PLCB1: variants seen among roughly 807,000 people sequenced by gnomAD.
PLCB1 encodes 1-phosphatidylinositol 4,5-bisphosphate phosphodiesterase beta-1.
PLCB1 carries 46 observed loss-of-function variants against 161.8 expected under a neutral mutation model. The observed-to-expected ratio is 0.28, with a 90% confidence interval of 0.22 to 0.36. PLCB1 has a LOEUF of 0.36. Ranked by LOEUF, PLCB1 falls within the 10% of genes least tolerant of loss-of-function variation. PLCB1 has a pLI of 1.00. For synonymous variants in PLCB1, 517 were observed against 503.7 expected (o/e 1.03, Z -0.35); for missense variants, 1,016 against 1,472.5 (o/e 0.69, Z 5.07).
intron 9 of PLCB1, among the ~76,000 whole-genome samples, chr20:8,668,581 A>G (rs766275002): frequency 6.6e-6 from 1 of 152,204 alleles, no homozygotes; most frequent in South Asian, 2.1e-4. Flanking sequence ...GATTCCAGGA[A>G]GTACTAGTAG....
intron 2 of PLCB1, among the ~76,000 whole-genome samples, chr20:8,311,355 T>C (rs1029711327): frequency 6.6e-6 from 1 of 152,256 alleles, no homozygotes; most frequent in Non-Finnish European, 1.5e-5. Context: ...TAGATATGTT[T>C]ATTCTGCTAT....
intron 2 of PLCB1, 161 bp from the exon 3 acceptor site, chr20:8,371,221 C>T: frequency 3.7e-6 from 2 of 545,460 alleles, no homozygotes; most frequent in Non-Finnish European, 6.5e-6. Context: ...TGTTTCCAAC[C>T]TAATTCAATT....
chr20:8,356,642 T>C (rs1431195509), intron 2 of PLCB1, among the ~76,000 whole-genome samples: 1 of 152,192 alleles, frequency 6.6e-6, no homozygotes, highest in Non-Finnish European at 1.5e-5. Context: ...TCATACGGCA[T>C]AATAGCACCA....
intron 3 of PLCB1, among the ~76,000 whole-genome samples, chr20:8,516,020 C>T (rs997524512): frequency 3.3e-5 from 5 of 152,096 alleles, no homozygotes; most frequent in Admixed American, 6.5e-5. Flanking sequence ...GGCAAGGGGG[C>T]GTAAGGAGGG....
At chr20:8,232,637 C>T (rs1245431965) in intron 2 of PLCB1, among the ~76,000 whole-genome samples, 1 of 152,176 alleles carries the variant, frequency 6.6e-6, no homozygotes, top group Non-Finnish European at 1.5e-5. Context: ...CCTGATCCCC[C>T]ACTTCGTGCA....
At chr20:8,359,892 TA>T (rs1260578304) in intron 2 of PLCB1, among the ~76,000 whole-genome samples, 1 of 152,232 alleles carries the variant, frequency 6.6e-6, no homozygotes, top group East Asian at 1.9e-4. Context: ...TGATTCAGAA[TA>T]ATTTCAAGTT....
At chr20:8,763,413 T>A (rs1299131766) in intron 25 of PLCB1, among the ~76,000 whole-genome samples, 1 of 151,312 alleles carries the variant, frequency 6.6e-6, no homozygotes, top group Non-Finnish European at 1.5e-5. Context: ...GAGACAAGAG[T>A]CTAACTCTGC....
chr20:8,430,942 G>C (rs1196408852), intron 3 of PLCB1, among the ~76,000 whole-genome samples: 1 of 152,086 alleles, frequency 6.6e-6, no homozygotes, highest in Non-Finnish European at 1.5e-5. Context: ...CTGGGTGACA[G>C]AGCAAGACCA....
At chr20:8,301,532 C>T (rs1221896778) in intron 2 of PLCB1, among the ~76,000 whole-genome samples, 1 of 152,166 alleles carries the variant, frequency 6.6e-6, no homozygotes, top group Non-Finnish European at 1.5e-5. Context: ...CCACCACCCA[C>T]TGCTCCACCA....
intron 4 of PLCB1, among the ~76,000 whole-genome samples, chr20:8,629,813 TTTCTTTTC>T (rs764932965): frequency 0.022 from 1,574 of 72,850 alleles, 24 homozygotes; most frequent in Non-Finnish European, 0.027. Context: ...CTTTCTTTTC[TTTCTTTTC>T]TTTCTTTCTT....
At chr20:8,389,119 TA>T (rs535756108) in intron 3 of PLCB1, among the ~76,000 whole-genome samples, 14 of 151,812 alleles carry the variant, frequency 9.2e-5, no homozygotes, top group South Asian at 2.1e-4. Flanking sequence ...CTTTTTACTT[TA>T]AAAAAAAATC....
Position 8,774,401 on chromosome 20 carries a change from A to T in PLCB1, c.2931-138A>T, listed in dbSNP as rs143659091. The T allele has an allele frequency of 4.3e-5, 32 of 745,352 alleles. No homozygotes were observed. The East Asian group carries it at 6.7e-4, about 16-fold the overall frequency. 46.2% of individuals were successfully genotyped at this position (745,352 alleles called of 1,614,324 possible). Reference sequence around the variant, plus strand: ...TTGCTAAGCTTGTCCTTGGGGTCTCACCCTCTACCCCAAGTGGCTTATGAA... The same window carrying T: ...TTGCTAAGCTTGTCCTTGGGGTCTCTCCCTCTACCCCAAGTGGCTTATGAA... On this transcript the variant is annotated intron_variant, in intron 26 of 31. Coordinates refer to ENST00000338037, the MANE Select transcript of PLCB1 (RefSeq NM_015192.4).
intron 31 of PLCB1, among the ~76,000 whole-genome samples, chr20:8,863,552 A>T (rs1987325964): frequency 6.6e-6 from 1 of 152,188 alleles, no homozygotes; most frequent in South Asian, 2.1e-4. Context: ...GCCTGAGAAC[A>T]TGTGTTTCTA....
intron 2 of PLCB1, among the ~76,000 whole-genome samples, chr20:8,352,055 C>T (rs1163540139): frequency 6.6e-6 from 1 of 151,978 alleles, no homozygotes; most frequent in Non-Finnish European, 1.5e-5. Context: ...TTATAGAAGC[C>T]TTATTCTTAA....
intron 27 of PLCB1, among the ~76,000 whole-genome samples, chr20:8,775,119 A>AT (rs1982885357): frequency 8.2e-6 from 1 of 122,532 alleles, no homozygotes; most frequent in Non-Finnish European, 1.7e-5. Flanking sequence ...CTTTGTAAGA[A>AT]TTTTTTTAAA....
chr20:8,589,043 A>G (rs192409186), intron 3 of PLCB1, among the ~76,000 whole-genome samples: 45 of 152,266 alleles, frequency 3.0e-4, no homozygotes, highest in Admixed American at 2.6e-3. Context: ...AGCAAGGGGG[A>G]GAGACTGCAC....
At chr20:8,691,188 T>G (rs1990470513) in intron 10 of PLCB1, among the ~76,000 whole-genome samples, 1 of 152,118 alleles carries the variant, frequency 6.6e-6, no homozygotes, top group Non-Finnish European at 1.5e-5. Flanking sequence ...TCAGAAGCCT[T>G]TGGATAAACT....
intron 3 of PLCB1, among the ~76,000 whole-genome samples, chr20:8,400,303 A>G (rs1978493363): frequency 6.6e-6 from 1 of 152,118 alleles, no homozygotes; most frequent in Non-Finnish European, 1.5e-5. Context: ...GAGCCTGTGT[A>G]TTCTATTCTT....
chr20:8,541,882 T>G (rs1985347285), intron 3 of PLCB1, among the ~76,000 whole-genome samples: 1 of 152,172 alleles, frequency 6.6e-6, no homozygotes, highest in Non-Finnish European at 1.5e-5. Context: ...CATTTTGAAG[T>G]GGTAGTACAA....
Sources: gnomAD v4.1 joint callset for allele counts (sites outside exome capture counted in the v4.1 genomes callset) on GRCh38, gnomAD v4.1.1 for gene constraint, MANE v1.5 for transcripts, NCBI Gene and HGNC (gene_info 2026-07-23, HGNC 2026-07-21) for gene names.